The following NUP85 variants were observed in gnomAD, a reference collection of about 807,000 sequenced individuals.
NUP85 encodes nuclear pore complex protein Nup85.
NUP85 carries 23 observed loss-of-function variants against 92.8 expected under a neutral mutation model. The observed-to-expected ratio is 0.25, with a 90% CI of 0.18 to 0.35. The LOEUF is 0.35. Ranked by LOEUF, NUP85 falls within the 10% of genes least tolerant of loss-of-function variation. The pLI, the probability that NUP85 is intolerant of heterozygous loss-of-function variation, is 1.00. For missense variants in NUP85, 759 were observed against 822.8 expected (o/e 0.92, Z 0.95); for synonymous variants, 314 against 306.9 (o/e 1.02, Z -0.24).
At chr17:75,222,487 T>C (rs921050431) in intron 7 of NUP85, among the ~76,000 whole-genome samples, 4 of 138,360 alleles carry the variant, frequency 2.9e-5, no homozygotes, top group Non-Finnish European at 3.0e-5. Context: ...TATGTTTATA[T>C]ATTTGTGATT....
chr17:75,224,710 TA>T (rs1183367714), intron 7 of NUP85, among the ~76,000 whole-genome samples: 5 of 151,776 alleles, frequency 3.3e-5, no homozygotes, highest in Admixed American at 3.3e-4. Context: ...CATGCGCCTG[TA>T]ATCTCAGCTA....
rs374712479 is a variant in NUP85 at position 75,215,830 on chromosome 17, A to G, written c.475+7A>G. Reference sequence around the variant, plus strand: ...TTTATTGAAGTGGCCCCAGGTAGGCATGGAATATCTCACCATAATCTCATA... The same window carrying G: ...TTTATTGAAGTGGCCCCAGGTAGGCGTGGAATATCTCACCATAATCTCATA... On this transcript the variant is annotated splice_region_variant and intron_variant, in intron 6 of 18. Coordinates refer to ENST00000245544, the MANE Select transcript of NUP85 (RefSeq NM_024844.5). 1 of 1,612,212 alleles carries G rather than the reference A, an allele frequency of 6.2e-7. No individual in the cohort carries two copies. The highest frequency in any genetic ancestry group is 8.5e-7 in the Non-Finnish European group (1 of 1,178,212).
chr17:75,229,028 G>A, intron 11 of NUP85: 16 of 985,494 alleles, frequency 1.6e-5, no homozygotes, highest in Non-Finnish European at 1.8e-5. Context: ...GTTCCTTGCT[G>A]TCTGGCAAGA....
chr17:75,226,993 G>T (rs534809306), intron 11 of NUP85: 3 of 244,278 alleles, frequency 1.2e-5, no homozygotes, highest in African/African-American at 6.7e-5. Flanking sequence ...AGGAAAGGGA[G>T]TGCCAAACAT....
At chr17:75,217,160 A>C (rs2075455163) in intron 6 of NUP85, among the ~76,000 whole-genome samples, 1 of 152,130 alleles carries the variant, frequency 6.6e-6, no homozygotes, top group South Asian at 2.1e-4. Flanking sequence ...TCCTGGGCTC[A>C]AGCAATCCTC....
At chr17:75,218,870 C>T (rs945871158) in intron 7 of NUP85, among the ~76,000 whole-genome samples, 2 of 152,174 alleles carry the variant, frequency 1.3e-5, no homozygotes, top group African/African-American at 4.8e-5. Context: ...ACCTCAGCCT[C>T]TCAAGTAGCT....
chr17:75,208,980 G>A (rs2075175501), intron 2 of NUP85, among the ~76,000 whole-genome samples: 1 of 152,062 alleles, frequency 6.6e-6, no homozygotes, highest in Non-Finnish European at 1.5e-5. Flanking sequence ...CTGGCCTCAA[G>A]CGATCCTGTT....
chr17:75,227,339 T>G (rs1227845901), intron 11 of NUP85, among the ~76,000 whole-genome samples: 4 of 147,420 alleles, frequency 2.7e-5, no homozygotes, highest in East Asian at 2.0e-4. Flanking sequence ...TTTTTTTTTT[T>G]TTTTTTTTTT....
chr17:75,231,471 C>G lies in NUP85; in HGVS notation c.1178+48C>G. ...TCCTCCTCTTCTTACCACCAGGCCC[C>G]CGAGGGTGGTGTGAACTGAATGCCT... is the stretch of plus-strand genomic sequence containing the variant. On this transcript the variant is annotated intron_variant, in intron 12 of 18. Transcript: ENST00000245544. The surrounding 1 kb of genome is among the most constrained non-coding windows in gnomAD (Gnocchi z 4.6). The G allele has an allele frequency of 6.2e-7, 1 of 1,608,972 alleles. No individual in the cohort carries two copies. Among genetic ancestry groups the G allele is most frequent in the Non-Finnish European group, 8.5e-7 (1 of 1,175,284 alleles).
At chr17:75,228,536 C>G in intron 11 of NUP85, 1 of 985,346 alleles carries the variant, frequency 1.0e-6, no homozygotes, top group Non-Finnish European at 1.2e-6. Flanking sequence ...AGGAAGTGTG[C>G]CCTCCTGGCT....
At position 75,231,707 on chromosome 17, in the gene NUP85, A is replaced by T; in HGVS notation, c.1244+69A>T. ...GCATGCGGGTGCCATTGGAGCTTGG[A>T]CTGTTCTCTCCCAGTTGGCTCCTTG... On this transcript the variant is annotated intron_variant, in intron 13 of 18. Coordinates refer to ENST00000245544, the MANE Select transcript of NUP85 (RefSeq NM_024844.5). This position sits in a 1 kb window ranked among gnomAD's most constrained non-coding sequence, Gnocchi z 4.6. 6.2e-7 allele frequency: 1 copy of T among 1,605,550 alleles called. No individual in the cohort carries two copies. The highest frequency in any genetic ancestry group is 8.5e-7 in the Non-Finnish European group (1 of 1,172,808).
At chr17:75,228,558 T>C (rs143620169) in intron 11 of NUP85, 2 of 985,192 alleles carry the variant, frequency 2.0e-6, no homozygotes, top group Non-Finnish European at 2.4e-6. Flanking sequence ...TGGGGAAAGG[T>C]TGAATTGGGG....
intron 3 of NUP85, among the ~76,000 whole-genome samples, chr17:75,210,539 A>G (rs1230518012): frequency 6.6e-6 from 1 of 152,216 alleles, no homozygotes; most frequent in Non-Finnish European, 1.5e-5. Flanking sequence ...CTGAAGTTTA[A>G]GAACTCCTGT....
intron 11 of NUP85, chr17:75,228,594 G>A (rs2075915048): frequency 1.0e-6 from 1 of 985,318 alleles, no homozygotes; most frequent in African/African-American, 1.7e-5. Flanking sequence ...TTTTCTCATG[G>A]GATGTATCAG....
chr17:75,219,472 C>T (rs953341262), intron 7 of NUP85, among the ~76,000 whole-genome samples: 1 of 151,968 alleles, frequency 6.6e-6, no homozygotes, highest in African/African-American at 2.4e-5. Context: ...TGAGGTTTCA[C>T]TGTATTACCC....
chr17:75,234,885 G>T (rs545989200), intron 17 of NUP85, 97 bp downstream of exon 17: 10 of 1,461,408 alleles, frequency 6.8e-6, no homozygotes, highest in East Asian at 2.3e-5. Context: ...CTCCTTTGTC[G>T]TTCTGCCTGT....
Position 75,235,546 on chromosome 17 carries a change from CTTAGCTCATGCTG to C in NUP85, c.1870-31_1870-19del, listed in dbSNP as rs2076301462. ...GAGTGTGAAAGGGCTCCTTCCTGCT[CTTAGCTCATGCTG>C]GCGCTCTCTGCTTTGCAGGATGATG... On this transcript the variant is annotated intron_variant, in intron 18 of 18. Coordinates refer to ENST00000245544, the MANE Select transcript of NUP85 (RefSeq NM_024844.5). The C allele has an allele frequency of 6.5e-7, 1 of 1,543,330 alleles. No individual in the cohort carries two copies. Among genetic ancestry groups the C allele is most frequent in the Non-Finnish European group, 9.0e-7 (1 of 1,116,290 alleles).
chr17:75,210,054 G>A, intron 3 of NUP85, 69 bp downstream of exon 3: 1 of 1,479,596 alleles, frequency 6.8e-7, no homozygotes, highest in Non-Finnish European at 9.2e-7. Flanking sequence ...GTACATTGTT[G>A]TCTTTTTGTG....
intron 5 of NUP85, among the ~76,000 whole-genome samples, chr17:75,213,503 G>A (rs999945436): frequency 6.6e-6 from 1 of 152,024 alleles, no homozygotes; most frequent in African/African-American, 2.4e-5. Flanking sequence ...ATGTTGGCCA[G>A]GCTGGTCTTG....
Sources: gnomAD v4.1 joint callset for allele counts (sites outside exome capture counted in the v4.1 genomes callset) on GRCh38, gnomAD v4.1.1 for gene constraint, Gnocchi (gnomAD v3.1) non-coding constraint, MANE v1.5 for transcripts, NCBI Gene and HGNC (gene_info 2026-07-23, HGNC 2026-07-21) for gene names.